KHDRBS2: variants seen among roughly 807,000 people sequenced by gnomAD.
KHDRBS2 encodes KH RNA binding domain containing, signal transduction associated 2.
A neutral mutation model predicts 44.3 loss-of-function variants in KHDRBS2; 26 were observed. That is an observed-to-expected ratio of 0.59 (90% confidence interval 0.43 to 0.81). The LOEUF is 0.81. Ranked by LOEUF, KHDRBS2 falls within the 40% of genes least tolerant of loss-of-function variation. The pLI is 0.00. For missense variants in KHDRBS2, 476 were observed against 433.1 expected, an observed-to-expected ratio of 1.10 and a Z score of -0.88; for synonymous variants, 194 against 151.1, an observed-to-expected ratio of 1.28 and a Z score of -2.08.
At chr6:61,905,747 T>C (rs1169041509) in intron 4 of KHDRBS2, among the ~76,000 whole-genome samples, 1 of 152,186 alleles carries the variant, frequency 6.6e-6, no homozygotes, top group African/African-American at 2.4e-5. Flanking sequence ...TACCCAGATT[T>C]TTAATAAATT....
In KHDRBS2 at chr6:62,038,438, A is replaced by C. The variant is rs142791939; in HGVS notation, c.336+9440T>G. ...TGTGAAGAGCCCAAATAAATTTTCA[A>C]GCATTCATGACAACTCTACTCAAGT... On this transcript the variant is annotated intron_variant, in intron 3 of 8. Transcript: ENST00000281156. Among the ~76,000 whole-genome samples, 5 of 152,172 alleles carry C rather than the reference A, an allele frequency of 3.3e-5. No individual in the cohort carries two copies. In the East Asian group the frequency reaches 9.7e-4, roughly 29 times the overall value.
chr6:61,572,616 T>C, the KHDRBS2 span, among the ~76,000 whole-genome samples: 10 of 152,058 alleles, frequency 6.6e-5, no homozygotes, highest in Non-Finnish European at 1.3e-4. Context: ...AAAAAGATAA[T>C]ACATCAAGAT....
At chr6:61,836,990 G>T (rs1315598861) in intron 6 of KHDRBS2, among the ~76,000 whole-genome samples, 1 of 151,856 alleles carries the variant, frequency 6.6e-6, no homozygotes. Flanking sequence ...AGTACTGGCA[G>T]AATTCATTTA....
chr6:62,113,743 G>A (rs1805565119), intron 2 of KHDRBS2, among the ~76,000 whole-genome samples: 2 of 152,052 alleles, frequency 1.3e-5, no homozygotes, highest in African/African-American at 4.8e-5. Context: ...GGAAGGGTGA[G>A]AGACTTGACA....
chr6:61,658,726 T>C, the KHDRBS2 span, among the ~76,000 whole-genome samples: 4 of 151,946 alleles, frequency 2.6e-5, no homozygotes, highest in East Asian at 5.8e-4. Flanking sequence ...CAGATTACAC[T>C]ATAAAATTTG....
At chr6:61,772,642 T>C (rs1781143828) in intron 6 of KHDRBS2, among the ~76,000 whole-genome samples, 1 of 152,032 alleles carries the variant, frequency 6.6e-6, no homozygotes, top group Non-Finnish European at 1.5e-5. Context: ...TATTTTATTT[T>C]ATTTTATTTT....
intron 2 of KHDRBS2, among the ~76,000 whole-genome samples, chr6:62,111,818 G>A (rs554276380): frequency 6.6e-6 from 1 of 152,028 alleles, no homozygotes. Flanking sequence ...GCAGTTTGAG[G>A]CTGCGATGAG....
intron 4 of KHDRBS2, among the ~76,000 whole-genome samples, chr6:61,902,273 C>T (rs1319212175): frequency 1.3e-5 from 2 of 152,188 alleles, no homozygotes; most frequent in Non-Finnish European, 2.9e-5. Flanking sequence ...TTAAACACAA[C>T]AAATTTTCTA....
At chr6:62,162,622 C>T (rs1218757804) in intron 2 of KHDRBS2, among the ~76,000 whole-genome samples, 1 of 152,060 alleles carries the variant, frequency 6.6e-6, no homozygotes, top group Non-Finnish European at 1.5e-5. Context: ...ATTTGCAATA[C>T]TTCAATAGGC....
intron 2 of KHDRBS2, among the ~76,000 whole-genome samples, chr6:62,055,666 A>C (rs570458803): frequency 6.6e-6 from 1 of 152,170 alleles, no homozygotes; most frequent in African/African-American, 2.4e-5. Context: ...TAAATTCAAG[A>C]ATAGTGTGTT....
intron 4 of KHDRBS2, among the ~76,000 whole-genome samples, chr6:61,926,240 G>C (rs966527878): frequency 6.6e-6 from 1 of 152,086 alleles, no homozygotes; most frequent in Non-Finnish European, 1.5e-5. Flanking sequence ...TTAAATAACT[G>C]TGCAGGAAGT....
chr6:61,666,667 A>G, the KHDRBS2 span, among the ~76,000 whole-genome samples: 1 of 151,468 alleles, frequency 6.6e-6, no homozygotes, highest in African/African-American at 2.4e-5. Flanking sequence ...AAGACTTTGA[A>G]ATATGTTGCT....
chr6:62,214,103 T>G (rs1829585427), intron 1 of KHDRBS2, among the ~76,000 whole-genome samples: 1 of 152,122 alleles, frequency 6.6e-6, no homozygotes, highest in African/African-American at 2.4e-5. Flanking sequence ...TCTCTGTATG[T>G]TCAAATCTTT....
chr6:61,923,482 C>T (rs747977415), intron 4 of KHDRBS2, among the ~76,000 whole-genome samples: 16 of 151,800 alleles, frequency 1.1e-4, no homozygotes, highest in South Asian at 1.0e-3. Flanking sequence ...TATGTAAGGC[C>T]GTATGGGCTT....
chr6:61,942,713 A>G (rs560267075), intron 4 of KHDRBS2, among the ~76,000 whole-genome samples: 24 of 152,248 alleles, frequency 1.6e-4, no homozygotes, highest in African/African-American at 5.8e-4. Context: ...AGAAATCCAT[A>G]TACAGAAGGC....
intron 6 of KHDRBS2, among the ~76,000 whole-genome samples, chr6:61,758,456 T>C (rs1388760993): frequency 2.0e-5 from 3 of 151,974 alleles, no homozygotes; most frequent in Non-Finnish European, 2.9e-5. Flanking sequence ...TCCATCTTTA[T>C]TTCTGTCCCC....
At chr6:62,179,190 T>G (rs1199213817) in intron 1 of KHDRBS2, among the ~76,000 whole-genome samples, 3 of 150,720 alleles carry the variant, frequency 2.0e-5, no homozygotes, top group African/African-American at 7.3e-5. Context: ...CTTACCCAGG[T>G]AATACCTGAG....
At chr6:62,148,599 T>C (rs1451057873) in intron 2 of KHDRBS2, among the ~76,000 whole-genome samples, 1 of 151,934 alleles carries the variant, frequency 6.6e-6, no homozygotes, top group East Asian at 1.9e-4. Flanking sequence ...ATAAGATAGC[T>C]ATAAATATTA....
At chr6:61,724,115 C>G (rs1255932142) in intron 7 of KHDRBS2, among the ~76,000 whole-genome samples, 1 of 152,118 alleles carries the variant, frequency 6.6e-6, no homozygotes, top group Admixed American at 6.6e-5. Flanking sequence ...AGTGGAGAAC[C>G]TCTCAGTGGA....
Sources: gnomAD v4.1 joint callset for allele counts (sites outside exome capture counted in the v4.1 genomes callset) on GRCh38, gnomAD v4.1.1 for gene constraint, MANE v1.5 for transcripts, NCBI Gene and HGNC (gene_info 2026-07-23, HGNC 2026-07-21) for gene names.